CNTN4: variants seen among roughly 807,000 people sequenced by gnomAD.
The protein encoded by CNTN4 is contactin 4.
A neutral mutation model predicts 122.5 loss-of-function variants in CNTN4; 77 were observed. That is an observed-to-expected ratio of 0.63 (90% CI 0.52 to 0.76). The LOEUF is 0.76. Ranked by LOEUF, CNTN4 falls within the 30% of genes least tolerant of loss-of-function variation. The probability of loss-of-function intolerance (pLI) is 0.00; values close to 1 mark genes in which losing one functional copy is unlikely to be tolerated. For missense variants in CNTN4, 1,256 were observed against 1,259.1 expected, an observed-to-expected ratio of 1.00 and a Z score of 0.04; for synonymous variants, 512 against 447.0, an observed-to-expected ratio of 1.15 and a Z score of -1.83.
intron 2 of CNTN4, among the ~76,000 whole-genome samples, chr3:2,328,358 A>G (rs2150269793): frequency 6.6e-6 from 1 of 151,352 alleles, no homozygotes; most frequent in South Asian, 2.1e-4. Context: ...GTGAGCCAAG[A>G]TGGCGCCACC....
At chr3:2,542,972 A>G (rs575978885) in intron 3 of CNTN4, among the ~76,000 whole-genome samples, 6 of 152,242 alleles carry the variant, frequency 3.9e-5, no homozygotes, top group African/African-American at 1.4e-4. Flanking sequence ...ACATGCACTA[A>G]TAGAATAGAA....
At chr3:2,925,594 C>G (rs1379607171) in intron 12 of CNTN4, 35 bp from the exon 13 acceptor site, 1 of 1,601,658 alleles carries the variant, frequency 6.2e-7, no homozygotes, top group South Asian at 1.1e-5. Flanking sequence ...GGAAGGCTGT[C>G]TTGCATAATA....
intron 6 of CNTN4, among the ~76,000 whole-genome samples, chr3:2,803,763 G>C (rs1576853664): frequency 6.6e-6 from 1 of 151,942 alleles, no homozygotes; most frequent in Admixed American, 6.6e-5. Flanking sequence ...GTTTCACCAT[G>C]TTGGCCAGGT....
At chr3:2,165,959 G>A (rs1412336941) in intron 2 of CNTN4, among the ~76,000 whole-genome samples, 1 of 151,982 alleles carries the variant, frequency 6.6e-6, no homozygotes, top group Non-Finnish European at 1.5e-5. Flanking sequence ...TGTGATGGGT[G>A]TACCACAATT....
intron 12 of CNTN4, among the ~76,000 whole-genome samples, chr3:2,922,924 T>A (rs903090691): frequency 6.6e-6 from 1 of 152,166 alleles, no homozygotes; most frequent in Non-Finnish European, 1.5e-5. Flanking sequence ...AATTTTTAAT[T>A]CCATTTTAAT....
intron 3 of CNTN4, among the ~76,000 whole-genome samples, chr3:2,478,479 A>G (rs1292813583): frequency 6.4e-5 from 8 of 124,558 alleles, no homozygotes; most frequent in African/African-American, 1.9e-4. Flanking sequence ...GGTTTGTTAC[A>G]TAGGTAAACA....
intron 3 of CNTN4, among the ~76,000 whole-genome samples, chr3:2,510,190 C>T (rs984937175): frequency 1.3e-5 from 2 of 152,148 alleles, no homozygotes; most frequent in African/African-American, 4.8e-5. Context: ...TTATTTCACT[C>T]CCGTCACCCC....
intron 2 of CNTN4, among the ~76,000 whole-genome samples, chr3:2,231,885 T>G (rs2039500870): frequency 6.6e-6 from 1 of 152,122 alleles, no homozygotes; most frequent in Admixed American, 6.5e-5. Context: ...GTATTTTTTC[T>G]TAGCCTTTTA....
chr3:2,391,419 T>C (rs1392266437), intron 3 of CNTN4, among the ~76,000 whole-genome samples: 1 of 152,156 alleles, frequency 6.6e-6, no homozygotes, highest in African/African-American at 2.4e-5. Context: ...TATGAAGCCA[T>C]GAGAAACCCA....
rs1259669504 is a variant in CNTN4 at position 2,647,417 on chromosome 3, A to G, written c.55+75859A>G. Among the ~76,000 whole-genome samples the G allele has an allele frequency of 2.7e-5, 4 of 148,710 alleles. No individual in the cohort carries two copies. The Admixed American group carries it at 2.7e-4, about 10-fold the overall frequency. On this transcript the variant is annotated intron_variant, in intron 4 of 24. Transcript: ENST00000418658. Reference sequence around the variant, plus strand: ...AATAAATAAATAAATAAATAAATAAATAGCATAAGTAACCTATGCCTTATC... The same window carrying G: ...AATAAATAAATAAATAAATAAATAAGTAGCATAAGTAACCTATGCCTTATC...
intron 2 of CNTN4, among the ~76,000 whole-genome samples, chr3:2,331,040 C>T (rs1285921385): frequency 3.9e-5 from 6 of 152,008 alleles, no homozygotes; most frequent in Admixed American, 3.9e-4. Flanking sequence ...TACAATTGTG[C>T]CTTTTTTTGT....
intron 3 of CNTN4, among the ~76,000 whole-genome samples, chr3:2,427,603 C>G (rs909611342): frequency 3.9e-5 from 6 of 152,134 alleles, no homozygotes; most frequent in Non-Finnish European, 7.4e-5. Context: ...TGGTGCAGAG[C>G]CGAGTTCAAT....
intron 3 of CNTN4, among the ~76,000 whole-genome samples, chr3:2,550,607 C>T (rs1233967756): frequency 6.6e-6 from 1 of 152,094 alleles, no homozygotes; most frequent in East Asian, 1.9e-4. Context: ...TGGGTATATA[C>T]CCAAAGGATT....
At chr3:2,777,936 T>C (rs2091394034) in intron 6 of CNTN4, among the ~76,000 whole-genome samples, 1 of 152,098 alleles carries the variant, frequency 6.6e-6, no homozygotes, top group Non-Finnish European at 1.5e-5. Context: ...AAATAACTGC[T>C]GGGTGCGGTG....
At chr3:2,389,979 A>C (rs1489782008) in intron 3 of CNTN4, among the ~76,000 whole-genome samples, 1 of 152,236 alleles carries the variant, frequency 6.6e-6, no homozygotes, top group South Asian at 2.1e-4. Context: ...GGACATGTCA[A>C]GTGTATATGA....
At chr3:2,534,677 A>T (rs59341570) in intron 3 of CNTN4, among the ~76,000 whole-genome samples, 45,238 of 150,664 alleles carry the variant, frequency 0.3, 6,821 homozygotes, top group Admixed American at 0.34. Context: ...GCCCTGTTTC[A>T]TCTTTTTATG....
intron 13 of CNTN4, among the ~76,000 whole-genome samples, chr3:2,968,747 T>C (rs1037175554): frequency 1.3e-5 from 2 of 152,242 alleles, no homozygotes; most frequent in African/African-American, 4.8e-5. Flanking sequence ...TATAGACTGG[T>C]GAGGAGACAA....
intron 2 of CNTN4, among the ~76,000 whole-genome samples, chr3:2,311,682 G>A (rs1229839404): frequency 1.3e-5 from 2 of 152,046 alleles, no homozygotes; most frequent in African/African-American, 4.8e-5. Flanking sequence ...AGTTTGTAGT[G>A]TGCATTTAAT....
At chr3:3,001,790 C>T (rs759396466) in intron 14 of CNTN4, among the ~76,000 whole-genome samples, 23 of 152,050 alleles carry the variant, frequency 1.5e-4, no homozygotes, top group Non-Finnish European at 2.2e-4. Context: ...TTTGAGAAGA[C>T]GACTACTAGA....
Sources: gnomAD v4.1 joint callset for allele counts (sites outside exome capture counted in the v4.1 genomes callset) on GRCh38, gnomAD v4.1.1 for gene constraint, MANE v1.5 for transcripts, NCBI Gene and HGNC (gene_info 2026-07-23, HGNC 2026-07-21) for gene names.